Variants in TOP2B observed in about 807,000 individuals in gnomAD.
TOP2B encodes DNA topoisomerase 2-beta.
In TOP2B, 51 loss-of-function variants were observed where a neutral mutation model predicts 193.5. The ratio of observed to expected loss-of-function variants is 0.26; its 90% confidence interval spans 0.21 to 0.33. The LOEUF is 0.33. TOP2B is among the 10% of genes least tolerant of loss of function. The pLI, the probability that TOP2B is intolerant of heterozygous loss-of-function variation, is 1.00. For missense variants in TOP2B, 1,378 were observed against 1,909.3 expected (o/e 0.72, Z 5.19); for synonymous variants, 634 against 635.7 (o/e 1.00, Z 0.04).
chr3:25,655,090 G>C (rs1352511523), intron 1 of TOP2B, among the ~76,000 whole-genome samples: 1 of 152,050 alleles, frequency 6.6e-6, no homozygotes, highest in Admixed American at 6.6e-5. Flanking sequence ...GTGCACCAAA[G>C]AAAACAACTG....
chr3:25,609,531 T>C lies in TOP2B; in HGVS notation c.3931+37A>G, dbSNP rs1218453070. 1.9e-6 allele frequency: 3 copies of C among 1,587,398 alleles called. No homozygotes were observed. The East Asian group carries it at 6.8e-5, about 36-fold the overall frequency. On this transcript the variant is annotated intron_variant, in intron 29 of 35. Transcript: ENST00000264331. The stretch of plus-strand genomic sequence containing the variant: ...AGTAATACTCTATACAAATATTTTT[T>C]CTCTCACACACATGCAAAACTATAA...
intron 28 of TOP2B, among the ~76,000 whole-genome samples, chr3:25,610,502 G>A (rs1702342436): frequency 1.3e-5 from 2 of 152,198 alleles, no homozygotes; most frequent in African/African-American, 4.8e-5. Context: ...GGAGGGAAGG[G>A]CATCCCAGGC....
In TOP2B at chr3:25,623,504, C is replaced by A; in HGVS notation, c.2727+11G>T. 1 of 1,608,612 alleles carries A rather than the reference C, an allele frequency of 6.2e-7. No individual in the cohort carries two copies. Among genetic ancestry groups the A allele is most frequent in the Non-Finnish European group, 8.5e-7 (1 of 1,175,504 alleles). ...CATTTGTTAAATAAATAATAAGTTCCAAATAATTACCATGGGATGAGGATC... is the reference window on the plus strand; with the variant it reads ...CATTTGTTAAATAAATAATAAGTTCAAAATAATTACCATGGGATGAGGATC... On this transcript the variant is annotated intron_variant, in intron 21 of 35. Coordinates refer to ENST00000264331, the MANE Select transcript of TOP2B (RefSeq NM_001330700.2).
chr3:25,642,648 TTAAG>T (rs1254725424), intron 3 of TOP2B, among the ~76,000 whole-genome samples: 1 of 152,114 alleles, frequency 6.6e-6, no homozygotes, highest in African/African-American at 2.4e-5. Flanking sequence ...TCAAAACATA[TTAAG>T]TAAGAACAAA....
Position 25,632,589 on chromosome 3 carries a change from G to A in TOP2B, c.1129-6C>T. ...ACCCATATATGGTTTTTTACCTGTT[G>A]AAAACATACCCAAAAAAGTCAATAT... On this transcript the variant is annotated splice_polypyrimidine_tract_variant and splice_region_variant and intron_variant, in intron 9 of 35. Transcript: ENST00000264331. 6.3e-7 allele frequency: 1 copy of A among 1,599,794 alleles called. No individual in the cohort carries two copies. The highest frequency in any genetic ancestry group is 8.5e-7 in the Non-Finnish European group (1 of 1,176,124).
At chr3:25,651,485 A>C (rs1322830073) in intron 1 of TOP2B, among the ~76,000 whole-genome samples, 3 of 152,048 alleles carry the variant, frequency 2.0e-5, no homozygotes, top group Non-Finnish European at 4.4e-5. Flanking sequence ...AGAAGGCAGC[A>C]AGGGAAGAAA....
intron 1 of TOP2B, among the ~76,000 whole-genome samples, chr3:25,648,534 A>T (rs1012020043): frequency 6.6e-5 from 10 of 152,146 alleles, no homozygotes; most frequent in Non-Finnish European, 1.3e-4. Flanking sequence ...ATACAAAGAA[A>T]CAGGGAAATA....
chr3:25,603,247 G>A (rs570141758), intron 33 of TOP2B, among the ~76,000 whole-genome samples: 38 of 152,142 alleles, frequency 2.5e-4, no homozygotes, highest in African/African-American at 8.9e-4. Context: ...TTGTTCTGTT[G>A]TTGTTATTTG....
At chr3:25,598,871 T>C (rs781047762) in intron 35 of TOP2B, among the ~76,000 whole-genome samples, 2 of 152,180 alleles carry the variant, frequency 1.3e-5, no homozygotes, top group Non-Finnish European at 2.9e-5. Context: ...ATGTGTGCAC[T>C]GTAAGTGTTT....
At chr3:25,648,550 G>A (rs113287574) in intron 1 of TOP2B, among the ~76,000 whole-genome samples, 4 of 152,196 alleles carry the variant, frequency 2.6e-5, no homozygotes, top group Non-Finnish European at 4.4e-5. Flanking sequence ...AAATACAGCC[G>A]ATTCAATGTA....
chr3:25,623,269 A>C (rs1442235587), intron 21 of TOP2B, among the ~76,000 whole-genome samples: 1 of 152,164 alleles, frequency 6.6e-6, no homozygotes, highest in Non-Finnish European at 1.5e-5. Context: ...AGAGGTTTGA[A>C]AACCTGGAAT....
Position 25,607,330 on chromosome 3 carries a change from T to G in TOP2B, c.4139A>C (p.Asp1380Ala), listed in dbSNP as rs139649989. The part of the protein sequence containing the change: ...YTFDFSEEED[D>A]DADDDDDDNN... ...GTCATCATCATCATCATCAGCATCA[T>G]CATCCTCTTCTTCTGAGAAATCAAA... Residue 1380 changes from aspartate (D) to alanine (A), a missense_variant, in exon 31 of 36, where the codon GAT becomes GCT. Around this residue, in one of 9 missense-constraint regions of TOP2B, gnomAD observed 556 missense variants for 584.2 expected, o/e 0.95. Coordinates refer to ENST00000264331, the MANE Select transcript of TOP2B (RefSeq NM_001330700.2). 5 of 1,552,270 alleles carry G rather than the reference T, an allele frequency of 3.2e-6. No individual in the cohort carries two copies. In the East Asian group the frequency reaches 9.8e-5, roughly 30 times the overall value.
intron 29 of TOP2B, 86 bp downstream of exon 29, chr3:25,609,482 A>G (rs993844001): frequency 5.3e-6 from 8 of 1,501,986 alleles, no homozygotes; most frequent in African/African-American, 1.4e-5. Context: ...AACTACCAGA[A>G]AAAGAGCACA....
chr3:25,658,913 C>T (rs965014748), intron 1 of TOP2B, among the ~76,000 whole-genome samples: 59 of 152,014 alleles, frequency 3.9e-4, no homozygotes, highest in African/African-American at 1.4e-3. Flanking sequence ...GCAGAAGCAC[C>T]CAGTTTGTTT....
intron 30 of TOP2B, among the ~76,000 whole-genome samples, chr3:25,608,966 T>G (rs1702302307): frequency 6.6e-6 from 1 of 152,090 alleles, no homozygotes; most frequent in Non-Finnish European, 1.5e-5. Context: ...TAAACCAAAC[T>G]TTATAATAAA....
intron 22 of TOP2B, 116 bp downstream of exon 22, chr3:25,620,566 C>T (rs1702632305): frequency 1.9e-6 from 2 of 1,073,622 alleles, no homozygotes; most frequent in South Asian, 2.0e-5. Context: ...AAAGAAGGTA[C>T]AGGAATTTTT....
At position 25,664,886 on chromosome 3, in the gene TOP2B, T is replaced by A. The variant is rs1020747481; in HGVS notation, c.-589A>T. The A allele has an allele frequency of 1.2e-5, 12 of 991,226 alleles. No individual in the cohort carries two copies. In the African/African-American group the frequency reaches 2.1e-4, roughly 17 times the overall value. The allele number at this position is 991,226 out of a possible 1,614,324, so 61.4% of individuals were successfully genotyped here. A position where few individuals can be genotyped will look rare whatever the true frequency, so the allele number is the denominator to read the frequency against. On this transcript the variant is annotated 5_prime_UTR_variant, in exon 1 of 36. Coordinates refer to ENST00000264331, the MANE Select transcript of TOP2B (RefSeq NM_001330700.2). ...CGCCGCCACGGTCACCTCCCTCTTG[T>A]CCGGCATAACACCGCACACACACAT...
At position 25,620,079 on chromosome 3, in the gene TOP2B, A is replaced by G. The variant is rs1459449032; in HGVS notation, c.2863-17T>C. ...TTTATATACCTATAAAGATTTAAAAATTAGTGATTCTTTTCATGACACACT... is the reference window on the plus strand; with the variant it reads ...TTTATATACCTATAAAGATTTAAAAGTTAGTGATTCTTTTCATGACACACT... On this transcript the variant is annotated splice_polypyrimidine_tract_variant and intron_variant, in intron 22 of 35. Transcript: ENST00000264331. 1.4e-6 allele frequency: 2 copies of G among 1,418,752 alleles called. No homozygotes were observed. Among genetic ancestry groups the G allele is most frequent in the South Asian group, 2.5e-5 (2 of 79,426 alleles). 87.9% of individuals were successfully genotyped at this position (1,418,752 alleles called of 1,614,324 possible).
chr3:25,608,905 T>C (rs562797848), intron 30 of TOP2B, among the ~76,000 whole-genome samples: 1 of 152,262 alleles, frequency 6.6e-6, no homozygotes, highest in South Asian at 2.1e-4. Context: ...ATTGCTGGTA[T>C]TGTGGCAAGG....
Sources: allele counts gnomAD v4.1 joint callset (sites outside exome capture counted in the v4.1 genomes callset), GRCh38; gene constraint gnomAD v4.1.1; regional missense constraint gnomAD v4.1.1; transcripts MANE v1.5; gene names NCBI Gene and HGNC (gene_info 2026-07-23, HGNC 2026-07-21).